Variants in SLC7A7 observed in about 807,000 individuals in gnomAD.
The protein encoded by SLC7A7 is Y+L amino acid transporter 1.
A neutral mutation model predicts 47.9 loss-of-function variants in SLC7A7; 39 were observed. The observed-to-expected ratio is 0.81, with a 90% confidence interval of 0.63 to 1.06. The LOEUF (loss-of-function observed/expected upper bound fraction) is 1.06, where lower values mean the gene tolerates loss of function less well. Ranked by LOEUF, SLC7A7 falls within the 50% of genes least tolerant of loss-of-function variation. The pLI, the probability that SLC7A7 is intolerant of heterozygous loss-of-function variation, is 0.00. For synonymous variants in SLC7A7, 234 were observed against 242.8 expected (o/e 0.96, Z 0.34); for missense variants, 588 against 632.0 (o/e 0.93, Z 0.75).
intron 8 of SLC7A7, 21 bp from the exon 9 acceptor site, chr14:22,774,137 A>G (rs1031637886): frequency 6.2e-7 from 1 of 1,612,806 alleles, no homozygotes; most frequent in African/African-American, 1.3e-5. Context: ...AGGAAACATA[A>G]CTGGAGTGGA....
At chr14:22,774,605 A>T (rs1448061419) in intron 7 of SLC7A7, 102 bp from the exon 8 acceptor site, 5 of 1,472,258 alleles carry the variant, frequency 3.4e-6, no homozygotes, top group African/African-American at 1.4e-5. Flanking sequence ...TCAATCCTCA[A>T]AGTCTCCTGG....
chr14:22,789,623 G>A (rs2139415994), intron 2 of SLC7A7, among the ~76,000 whole-genome samples: 1 of 102,034 alleles, frequency 9.8e-6, no homozygotes, highest in South Asian at 3.5e-4. Flanking sequence ...GCAAGACTCT[G>A]GCTCAAAAAA....
chr14:22,808,566 G>T (rs1260385079), intron 2 of SLC7A7, among the ~76,000 whole-genome samples: 1 of 152,078 alleles, frequency 6.6e-6, no homozygotes, highest in Admixed American at 6.6e-5. Context: ...TAGCACTTTG[G>T]GAGGCCAAGG....
At chr14:22,781,043 A>C (rs895717210) in intron 2 of SLC7A7, among the ~76,000 whole-genome samples, 2 of 152,082 alleles carry the variant, frequency 1.3e-5, no homozygotes, top group African/African-American at 2.4e-5. Flanking sequence ...AGATCTTCCC[A>C]CTGGTAGCAT....
rs758601802 is a variant in SLC7A7 at position 22,773,578 on chromosome 14, C to A, written c.*32G>T. ...AGCTCTAGCCAGTAGACCAGAAACC[C>A]CTGCTTTCCACATCAGGATTCCAGA... On this transcript the variant is annotated 3_prime_UTR_variant, in exon 10 of 10. Transcript: ENST00000674313. 4.4e-6 allele frequency: 7 copies of A among 1,582,774 alleles called. No homozygotes were observed. Among genetic ancestry groups the A allele is most frequent in the Non-Finnish European group, 6.1e-6 (7 of 1,151,332 alleles).
chr14:22,780,403 T>C (rs1216803188), intron 2 of SLC7A7: 1 of 299,094 alleles, frequency 3.3e-6, no homozygotes. Context: ...TGAAAAGTCA[T>C]GGTCTCTCCC....
chr14:22,796,027 A>G (rs1199958635), intron 2 of SLC7A7, among the ~76,000 whole-genome samples: 1 of 152,208 alleles, frequency 6.6e-6, no homozygotes, highest in Non-Finnish European at 1.5e-5. Flanking sequence ...AAAGTTCACA[A>G]CAAACCCACA....
chr14:22,817,665 C>T (rs371664458), upstream of SLC7A7, among the ~76,000 whole-genome samples: 1 of 152,126 alleles, frequency 6.6e-6, no homozygotes, highest in African/African-American at 2.4e-5. Flanking sequence ...CTAGTAGAGA[C>T]GAGGTTTTGC....
At chr14:22,806,453 T>C (rs1457438032) in intron 2 of SLC7A7, among the ~76,000 whole-genome samples, 1 of 151,770 alleles carries the variant, frequency 6.6e-6, no homozygotes. Context: ...ATGACCCAAA[T>C]CTGTGTCATG....
intron 2 of SLC7A7, among the ~76,000 whole-genome samples, chr14:22,793,865 A>T (rs182498360): frequency 3.3e-5 from 5 of 152,036 alleles, no homozygotes; most frequent in South Asian, 2.1e-4. Flanking sequence ...TGGAAGCTAC[A>T]AGATTCTGAC....
chr14:22,797,317 T>C (rs2065046), intron 2 of SLC7A7, among the ~76,000 whole-genome samples: 120,146 of 152,096 alleles, frequency 0.79, 48,076 homozygotes, highest in Non-Finnish European at 0.86. Context: ...GGAGGTGCCA[T>C]CTGCACACCT....
chr14:22,819,320 C>A (rs2039446060), upstream of SLC7A7, among the ~76,000 whole-genome samples: 1 of 151,796 alleles, frequency 6.6e-6, no homozygotes, highest in African/African-American at 2.4e-5. Flanking sequence ...GACTAGATTT[C>A]CCCATCACTC....
Position 22,774,410 on chromosome 14 carries a change from TAGAA to T in SLC7A7, c.1185_1188del (p.Ser396LeufsTer122), listed in dbSNP as rs386833800. ...CAGCGCAGATAAAGCTGACCCACAA[TAGAA>T]AGCCCCACAAAGAACCAGTAGCTGA... On this transcript the variant is annotated frameshift_variant, in exon 8 of 10. Coordinates refer to ENST00000674313, the MANE Select transcript of SLC7A7 (RefSeq NM_003982.4). LOFTEE classifies it high-confidence loss of function. 35 of 1,613,930 alleles carry T rather than the reference TAGAA, an allele frequency of 2.2e-5. No homozygotes were observed. The highest frequency in any genetic ancestry group is 5.0e-5 in the Admixed American group (3 of 59,962).
upstream of SLC7A7, among the ~76,000 whole-genome samples, chr14:22,819,377 T>C (rs1019514644): frequency 2.0e-5 from 3 of 151,706 alleles, no homozygotes; most frequent in Non-Finnish European, 4.4e-5. Context: ...TGTTTGTTTT[T>C]CTATATTCCA....
At position 22,784,533 on chromosome 14, in the gene SLC7A7, A is replaced by G. The variant is rs551296799; in HGVS notation, c.500-4482T>C. Among the ~76,000 whole-genome samples the G allele has an allele frequency of 4.6e-5, 7 of 152,056 alleles. No homozygotes were observed. The East Asian group carries it at 1.2e-3, about 25-fold the overall frequency. ...CTTGGGAGGCTGAGGCAGGAGAATC[A>G]CTTGAACCCAGGAGGCGGAGGATGC... On this transcript the variant is annotated intron_variant, in intron 2 of 9. Transcript: ENST00000674313.
intron 2 of SLC7A7, among the ~76,000 whole-genome samples, chr14:22,787,490 G>A (rs2181225): frequency 0.58 from 88,396 of 151,718 alleles, 26,639 homozygotes; most frequent in South Asian, 0.68. Context: ...AGTGGCTCAC[G>A]CCTGTAATCC....
chr14:22,812,130 T>C (rs1210954238), intron 2 of SLC7A7, among the ~76,000 whole-genome samples: 1 of 152,010 alleles, frequency 6.6e-6, no homozygotes, highest in Non-Finnish European at 1.5e-5. Flanking sequence ...TAGTATGACC[T>C]CATTTTTGTA....
chr14:22,793,670 G>A (rs1157712567), intron 2 of SLC7A7, among the ~76,000 whole-genome samples: 1 of 152,076 alleles, frequency 6.6e-6, no homozygotes, highest in African/African-American at 2.4e-5. Context: ...AATAAAATTA[G>A]CTGGGTGTGG....
At chr14:22,795,845 G>A (rs549774165) in intron 2 of SLC7A7, among the ~76,000 whole-genome samples, 12 of 152,126 alleles carry the variant, frequency 7.9e-5, no homozygotes, top group East Asian at 7.7e-4. Flanking sequence ...AGCATCTTCC[G>A]CAACCTCCTC....
Sources: allele counts gnomAD v4.1 joint callset (sites outside exome capture counted in the v4.1 genomes callset), GRCh38; gene constraint gnomAD v4.1.1; transcripts MANE v1.5; gene names NCBI Gene and HGNC (gene_info 2026-07-23, HGNC 2026-07-21).